The following ELP1 variants were observed in gnomAD, a reference collection of about 807,000 sequenced individuals.
ELP1 encodes elongator complex protein 1.
In ELP1, 131 loss-of-function variants were observed where a neutral mutation model predicts 183.2. That is an observed-to-expected ratio of 0.72 (90% CI 0.62 to 0.83). ELP1 has a LOEUF of 0.83. Ranked by LOEUF, ELP1 falls within the 40% of genes least tolerant of loss-of-function variation. The pLI, the probability that ELP1 is intolerant of heterozygous loss-of-function variation, is 0.00. For missense variants in ELP1, 1,550 were observed against 1,594.9 expected, an observed-to-expected ratio of 0.97 and a Z score of 0.48; for synonymous variants, 555 against 569.0, an observed-to-expected ratio of 0.98 and a Z score of 0.35.
At chr9:108,900,142 G>T in intron 19 of ELP1, 118 bp downstream of exon 19, 1 of 840,904 alleles carries the variant, frequency 1.2e-6, no homozygotes, top group Admixed American at 2.0e-5. Context: ...ATCAAGGAAA[G>T]GTTTACAATA....
At chr9:108,904,850 A>C (rs1313091746) in intron 14 of ELP1, among the ~76,000 whole-genome samples, 1 of 152,244 alleles carries the variant, frequency 6.6e-6, no homozygotes, top group Non-Finnish European at 1.5e-5. Context: ...TGTAGTCCTC[A>C]AAAGCATTAA....
chr9:108,890,558 T>C (rs10979592), intron 28 of ELP1, among the ~76,000 whole-genome samples: 13,151 of 152,194 alleles, frequency 0.086, 821 homozygotes, highest in African/African-American at 0.17. Flanking sequence ...TCCTTACCCT[T>C]TCCTCCACTC....
chr9:108,909,610 T>G (rs1472711102), intron 12 of ELP1, among the ~76,000 whole-genome samples: 6 of 152,222 alleles, frequency 3.9e-5, no homozygotes, highest in Non-Finnish European at 8.8e-5. Flanking sequence ...GGGTTTTTAC[T>G]TCATGGATTT....
rs185384329 is a variant in ELP1, at chr9:108,869,268, G to A, written c.3932-86C>T. ...CAGTAACTCTAAACTAAACAAACTA[G>A]GCAGGTGGAGTTTGCAGCAATAAGA... On this transcript the variant is annotated intron_variant, in intron 36 of 36. Transcript: ENST00000374647. 2.3e-4 allele frequency: 257 copies of A among 1,104,900 alleles called. No homozygotes were observed. The Middle Eastern group carries it at 2.5e-3, about 11-fold the overall frequency. The allele number at this position is 1,104,900 out of a possible 1,614,324, so 68.4% of individuals were successfully genotyped here.
At chr9:108,899,767 G>T in intron 20 of ELP1, 55 bp downstream of exon 20, 1 of 1,332,406 alleles carries the variant, frequency 7.5e-7, no homozygotes, top group Non-Finnish European at 1.1e-6. Context: ...AATACTTATT[G>T]TCTTCACACA....
intron 31 of ELP1, among the ~76,000 whole-genome samples, chr9:108,880,514 TAAG>T (rs572686619): frequency 1.7e-3 from 264 of 151,890 alleles, no homozygotes; most frequent in African/African-American, 6.2e-3. Context: ...TTAACAAAAA[TAAG>T]AAGAAAATTA....
chr9:108,868,921 G>T lies in ELP1; in HGVS notation c.*194C>A. Reference sequence around the variant, plus strand: ...GGTTAAAGCTTAATGTCTTGCTAATGATCAAGATGTATACACAACATAAAA... The same window carrying T: ...GGTTAAAGCTTAATGTCTTGCTAATTATCAAGATGTATACACAACATAAAA... On this transcript the variant is annotated 3_prime_UTR_variant, in exon 37 of 37. Coordinates refer to ENST00000374647, the MANE Select transcript of ELP1 (RefSeq NM_003640.5). The T allele has an allele frequency of 3.1e-6, 2 of 638,506 alleles. No individual in the cohort carries two copies. The highest frequency in any genetic ancestry group is 3.6e-5 in the South Asian group (2 of 55,406). The allele number at this position is 638,506 out of a possible 1,614,324, so 39.6% of individuals were successfully genotyped here.
chr9:108,927,898 T>C (rs1587925045), intron 3 of ELP1, among the ~76,000 whole-genome samples: 1 of 151,876 alleles, frequency 6.6e-6, no homozygotes, highest in African/African-American at 2.4e-5. Context: ...GGAAGGGTAG[T>C]GAGGGGCTGA....
chr9:108,872,223 G>A lies in ELP1; in HGVS notation c.3931+2672C>T, dbSNP rs1426374642. Among the ~76,000 whole-genome samples the A allele has an allele frequency of 2.6e-5, 4 of 152,082 alleles. No homozygotes were observed. The East Asian group carries it at 7.7e-4, about 29-fold the overall frequency. On this transcript the variant is annotated intron_variant, in intron 36 of 36. Transcript: ENST00000374647. ...TGCTGCTCATGTGGAGATGGTTAGCGGCACATGGCATTTTAAGCAGATATT... is the reference window on the plus strand; with the variant it reads ...TGCTGCTCATGTGGAGATGGTTAGCAGCACATGGCATTTTAAGCAGATATT...
chr9:108,917,701 G>A (rs748133949), intron 8 of ELP1, 31 bp from the exon 9 acceptor site: 22 of 1,612,516 alleles, frequency 1.4e-5, no homozygotes, highest in African/African-American at 9.4e-5. Context: ...TTACAATATC[G>A]AAAGCTCACC....
intron 29 of ELP1, among the ~76,000 whole-genome samples, chr9:108,884,960 A>G (rs1404188870): frequency 6.6e-6 from 1 of 152,062 alleles, no homozygotes; most frequent in African/African-American, 2.4e-5. Flanking sequence ...ATGCACCTGT[A>G]ATCCCAACTA....
At chr9:108,926,706 C>T in intron 4 of ELP1, 103 bp from the exon 5 acceptor site, 1 of 792,052 alleles carries the variant, frequency 1.3e-6, no homozygotes, top group East Asian at 2.7e-5. Context: ...TTAGTCTGAA[C>T]AGAGCAGACA....
At chr9:108,917,962 AAAT>A (rs899513419) in intron 8 of ELP1, among the ~76,000 whole-genome samples, 62 of 152,290 alleles carry the variant, frequency 4.1e-4, no homozygotes, top group African/African-American at 1.4e-3. Flanking sequence ...ATGACTTTAA[AAAT>A]AATAAGTTAT....
chr9:108,933,699 G>C (rs1412343915), intron 1 of ELP1, among the ~76,000 whole-genome samples, 165 bp downstream of exon 1: 2 of 152,226 alleles, frequency 1.3e-5, no homozygotes, highest in African/African-American at 4.8e-5. Context: ...GATGGAGCAG[G>C]TGGCAAGGCT....
At chr9:108,926,690 C>T in intron 4 of ELP1, 87 bp from the exon 5 acceptor site, 1 of 926,754 alleles carries the variant, frequency 1.1e-6, no homozygotes, top group Non-Finnish European at 1.7e-6. Flanking sequence ...AGCTAAGGAG[C>T]TGGAGTTAGT....
chr9:108,916,899 A>T (rs1288948213), intron 9 of ELP1, among the ~76,000 whole-genome samples: 3 of 152,218 alleles, frequency 2.0e-5, no homozygotes, highest in Admixed American at 2.0e-4. Context: ...CACTTCAGCA[A>T]GAATCTTAAT....
At chr9:108,900,224 A>G (rs903990934) in intron 19 of ELP1, 36 bp downstream of exon 19, 3 of 1,389,310 alleles carry the variant, frequency 2.2e-6, no homozygotes, top group African/African-American at 1.4e-5. Flanking sequence ...CTGAATGACA[A>G]TCAGACTATC....
At chr9:108,904,432 T>TA (rs1006621017) in intron 14 of ELP1, among the ~76,000 whole-genome samples, 4 of 151,570 alleles carry the variant, frequency 2.6e-5, no homozygotes, top group African/African-American at 9.7e-5. Context: ...AGGTAGTGAT[T>TA]AAAAAAAGAA....
chr9:108,928,972 C>T (rs1829908508), intron 3 of ELP1, among the ~76,000 whole-genome samples: 1 of 152,178 alleles, frequency 6.6e-6, no homozygotes, highest in Admixed American at 6.5e-5. Context: ...GCCTTAACTG[C>T]CTCTTCTGAA....
Sources: gnomAD v4.1 joint callset for allele counts (sites outside exome capture counted in the v4.1 genomes callset) on GRCh38, gnomAD v4.1.1 for gene constraint, MANE v1.5 for transcripts, NCBI Gene and HGNC (gene_info 2026-07-23, HGNC 2026-07-21) for gene names.